SGK3: variants seen among roughly 807,000 people sequenced by gnomAD.
SGK3 encodes serum/glucocorticoid regulated kinase family member 3.
A neutral mutation model predicts 68.5 loss-of-function variants in SGK3; 47 were observed. That is an observed-to-expected ratio of 0.69 (90% CI 0.54 to 0.87). The LOEUF (loss-of-function observed/expected upper bound fraction) is 0.87, where lower values mean the gene tolerates loss of function less well. SGK3 is among the 40% of genes least tolerant of loss of function. The pLI is 0.00. For missense variants in SGK3, 479 were observed against 575.5 expected (o/e 0.83, Z 1.72); for synonymous variants, 181 against 189.1 (o/e 0.96, Z 0.35).
At chr8:66,810,597 A>C (rs1449962977) in intron 4 of SGK3, among the ~76,000 whole-genome samples, 3 of 152,176 alleles carry the variant, frequency 2.0e-5, no homozygotes, top group Non-Finnish European at 4.4e-5. Flanking sequence ...GCTACTCTGG[A>C]GGCTGAGTCA....
chr8:66,825,628 T>C (rs1809024804), intron 6 of SGK3, among the ~76,000 whole-genome samples: 1 of 152,158 alleles, frequency 6.6e-6, no homozygotes, highest in Non-Finnish European at 1.5e-5. Flanking sequence ...TTTAAGTGAA[T>C]AACTAAGTGA....
chr8:66,839,973 C>T (rs1809732239), intron 10 of SGK3, 30 bp from the exon 11 acceptor site: 1 of 1,589,166 alleles, frequency 6.3e-7, no homozygotes, highest in African/African-American at 1.3e-5. Context: ...AACATTCTCT[C>T]TCCCCCCACC....
intron 15 of SGK3, among the ~76,000 whole-genome samples, 171 bp downstream of exon 15, chr8:66,847,519 T>C (rs1197909574): frequency 6.6e-6 from 1 of 152,250 alleles, no homozygotes; most frequent in East Asian, 1.9e-4. Context: ...TATAAAACTA[T>C]GTAGTATTTA....
chr8:66,850,737 GC>G, intron 15 of SGK3, 93 bp from the exon 16 acceptor site: 1 of 1,223,610 alleles, frequency 8.2e-7, no homozygotes, highest in Non-Finnish European at 1.1e-6. Flanking sequence ...TTATTGAGGG[GC>G]AAAATAGTAA....
At chr8:66,785,617 TC>T (rs1473766139) in intron 1 of SGK3, among the ~76,000 whole-genome samples, 3 of 152,106 alleles carry the variant, frequency 2.0e-5, no homozygotes, top group Non-Finnish European at 4.4e-5. Flanking sequence ...TTGCCAAATA[TC>T]CTCTAGGCAA....
In SGK3 at chr8:66,724,402, C is replaced by G. The variant is rs142625894; in HGVS notation, c.-122+11569C>G. Among the ~76,000 whole-genome samples, 292 of 152,272 alleles carry G rather than the reference C, an allele frequency of 1.9e-3. 1 individual carries two copies. The highest frequency in any genetic ancestry group is 3.6e-3 in the Non-Finnish European group (246 of 68,024). On this transcript the variant is annotated intron_variant, in intron 1 of 16. Transcript: ENST00000521198. Reference sequence around the variant, plus strand: ...ACCAGCCTGGCCAATATGGTAAAACCTCGTCTCTACTAAAAATACAAAAAT... The same window carrying G: ...ACCAGCCTGGCCAATATGGTAAAACGTCGTCTCTACTAAAAATACAAAAAT...
intron 1 of SGK3, among the ~76,000 whole-genome samples, chr8:66,756,103 G>T (rs1157773994): frequency 6.6e-6 from 1 of 152,102 alleles, no homozygotes; most frequent in Non-Finnish European, 1.5e-5. Flanking sequence ...TATGACCATT[G>T]TTCTTATAAG....
chr8:66,861,687 T>C lies in SGK3; in HGVS notation c.*2106T>C, dbSNP rs1470073276. 4 of 152,256 alleles carry C rather than the reference T, an allele frequency of 2.6e-5. No individual in the cohort carries two copies. Among genetic ancestry groups the C allele is most frequent in the African/African-American group, 9.6e-5 (4 of 41,558 alleles). The allele number at this position is 152,256 out of a possible 1,614,324, so 9.4% of individuals were successfully genotyped here. A position where few individuals can be genotyped will look rare whatever the true frequency, so the allele number is the denominator to read the frequency against. On this transcript the variant is annotated 3_prime_UTR_variant, in exon 17 of 17. Transcript: ENST00000521198. ...TTTGGCTTAAAATGTTCAGCAGAAT[T>C]GGGCAGTGGGGGTGACTTTTCTTAT...
rs1248854806 is a variant in SGK3, at chr8:66,860,419, A to T, written c.*838A>T. 1 of 152,264 alleles carries T rather than the reference A, an allele frequency of 6.6e-6. No homozygotes were observed. Among genetic ancestry groups the T allele is most frequent in the African/African-American group, 2.4e-5 (1 of 41,390 alleles). The allele number at this position is 152,264 out of a possible 1,614,324, so 9.4% of individuals were successfully genotyped here. A position where few individuals can be genotyped will look rare whatever the true frequency, so the allele number is the denominator to read the frequency against. ...CAGTGAGCCGAGATCGCACCATTGC[A>T]CTCCTGCCTGGGCAACAAGAGTGAA... On this transcript the variant is annotated 3_prime_UTR_variant, in exon 17 of 17. Transcript: ENST00000521198.
chr8:66,753,459 G>T (rs760266074), intron 1 of SGK3, among the ~76,000 whole-genome samples: 3 of 152,202 alleles, frequency 2.0e-5, no homozygotes, highest in Admixed American at 6.5e-5. Flanking sequence ...ACTAGGGGAA[G>T]ATACTCGTAA....
intron 1 of SGK3, among the ~76,000 whole-genome samples, chr8:66,785,978 C>A (rs1033314043): frequency 8.5e-5 from 13 of 152,140 alleles, no homozygotes; most frequent in Non-Finnish European, 1.9e-4. Context: ...TATGAATCTC[C>A]CAAAAAGTCC....
At chr8:66,756,713 G>A (rs924070246) in intron 1 of SGK3, among the ~76,000 whole-genome samples, 2 of 150,946 alleles carry the variant, frequency 1.3e-5, no homozygotes, top group African/African-American at 4.9e-5. Context: ...CCAAGTAGCT[G>A]GGACTATAGG....
rs572998971 is a variant in SGK3, at chr8:66,762,378, G to A, written c.-121-31238G>A. Among the ~76,000 whole-genome samples, 83 of 152,336 alleles carry A rather than the reference G, an allele frequency of 5.4e-4. 2 individuals are homozygous for A. In the South Asian group the frequency reaches 5.8e-3, roughly 11 times the overall value. ...TACTAAAAATACAAATTAGCTGGGT[G>A]TGGTGGCATGTGCCTTTAATCCCAG... On this transcript the variant is annotated intron_variant, in intron 1 of 16. Transcript: ENST00000521198.
At chr8:66,734,228 CTTTTTTTTT>C (rs529741200) in intron 1 of SGK3, among the ~76,000 whole-genome samples, 1 of 104,232 alleles carries the variant, frequency 9.6e-6, no homozygotes. Flanking sequence ...CTTTTTCTTT[CTTTTTTTTT>C]TTTTTTTTTT....
chr8:66,727,341 C>T (rs1281255964), intron 1 of SGK3, among the ~76,000 whole-genome samples: 1 of 152,172 alleles, frequency 6.6e-6, no homozygotes, highest in East Asian at 1.9e-4. Flanking sequence ...AAGTGATCCA[C>T]CCACCTTGGC....
intron 14 of SGK3, 89 bp downstream of exon 14, chr8:66,843,636 C>T: frequency 1.5e-6 from 2 of 1,296,046 alleles, no homozygotes; most frequent in South Asian, 1.3e-5. Flanking sequence ...CTCATGGACA[C>T]TTAGATAACA....
At chr8:66,851,897 T>C (rs1810303409) in intron 16 of SGK3, among the ~76,000 whole-genome samples, 1 of 152,184 alleles carries the variant, frequency 6.6e-6, no homozygotes, top group Non-Finnish European at 1.5e-5. Context: ...ACTCTTAAGC[T>C]ACCAGCTTAC....
At chr8:66,741,269 G>A (rs1293313854) in intron 1 of SGK3, among the ~76,000 whole-genome samples, 1 of 152,226 alleles carries the variant, frequency 6.6e-6, no homozygotes, top group East Asian at 1.9e-4. Flanking sequence ...ATATGTTGGG[G>A]CCAGGCACGG....
chr8:66,744,666 T>G (rs1381059936), intron 1 of SGK3, among the ~76,000 whole-genome samples: 2 of 150,644 alleles, frequency 1.3e-5, no homozygotes, highest in African/African-American at 4.9e-5. Context: ...CCACTATGCC[T>G]GACTAATTTT....
Sources: allele counts gnomAD v4.1 joint callset (sites outside exome capture counted in the v4.1 genomes callset), GRCh38; gene constraint gnomAD v4.1.1; transcripts MANE v1.5; gene names NCBI Gene and HGNC (gene_info 2026-07-23, HGNC 2026-07-21).